KIF3C: variants seen among roughly 807,000 people sequenced by gnomAD.
KIF3C encodes kinesin-like protein KIF3C.
A neutral mutation model predicts 67.7 loss-of-function variants in KIF3C; 12 were observed. The ratio of observed to expected loss-of-function variants is 0.18; its 90% CI spans 0.11 to 0.29. KIF3C has a LOEUF of 0.29. Among genes scored for constraint, KIF3C ranks in the 10% least tolerant of loss-of-function variants. The pLI, the probability that KIF3C is intolerant of heterozygous loss-of-function variation, is 1.00. For missense variants in KIF3C, 789 were observed against 1,059.6 expected (o/e 0.74, Z 3.55); for synonymous variants, 393 against 426.2 (o/e 0.92, Z 0.96).
intron 5 of KIF3C, among the ~76,000 whole-genome samples, chr2:25,937,645 G>T (rs1466440291): frequency 1.3e-5 from 2 of 152,206 alleles, no homozygotes; most frequent in Non-Finnish European, 2.9e-5. Flanking sequence ...ACCTCCGGAG[G>T]TGTGGATAGA....
At chr2:25,941,082 G>A (rs1270142671) in intron 5 of KIF3C, among the ~76,000 whole-genome samples, 2 of 152,110 alleles carry the variant, frequency 1.3e-5, no homozygotes, top group East Asian at 3.9e-4. Context: ...GTTCACTTGA[G>A]CTCAGGAGTT....
At chr2:25,947,932 C>T (rs1482173385) in intron 5 of KIF3C, among the ~76,000 whole-genome samples, 1 of 152,144 alleles carries the variant, frequency 6.6e-6, no homozygotes, top group Non-Finnish European at 1.5e-5. Flanking sequence ...GTCGCCCAGG[C>T]TAGAGTACAG....
intron 1 of KIF3C, among the ~76,000 whole-genome samples, chr2:25,971,650 G>A (rs1664286772): frequency 6.6e-6 from 1 of 152,094 alleles, no homozygotes; most frequent in Non-Finnish European, 1.5e-5. Context: ...ATGAGGGTGT[G>A]CCTTGTACAG....
chr2:25,929,969 G>C lies in KIF3C; in HGVS notation c.2101C>G (p.His701Asp). Residue 701 changes from histidine to aspartate, a missense_variant, in exon 6 of 8, where the codon CAC (histidine) becomes GAC (aspartate). Physicochemically the swap from His to Asp is moderately conservative, Grantham distance 81. Coordinates refer to ENST00000264712, the MANE Select transcript of KIF3C (RefSeq NM_002254.8). ...YARVAMAMGS[H>D]PRYRAENIMF... Reference sequence around the variant, plus strand: ...CCGCTTCTTACCCTGTACCTGGGGTGGGACCCCATTGCCATGGCAACCCGA... The same window carrying C: ...CCGCTTCTTACCCTGTACCTGGGGTCGGACCCCATTGCCATGGCAACCCGA... 3 of 1,609,970 alleles carry C rather than the reference G, an allele frequency of 1.9e-6. No individual in the cohort carries two copies. The highest frequency in any genetic ancestry group is 2.6e-6 in the Non-Finnish European group (3 of 1,176,178).
At chr2:25,968,962 TA>T (rs1664210900) in intron 1 of KIF3C, among the ~76,000 whole-genome samples, 5 of 152,304 alleles carry the variant, frequency 3.3e-5, no homozygotes, top group Non-Finnish European at 5.9e-5. Context: ...TAGCTAGAAT[TA>T]CAGGCGTGTG....
At chr2:25,950,774 A>C (rs1663587003) in intron 5 of KIF3C, among the ~76,000 whole-genome samples, 2 of 152,160 alleles carry the variant, frequency 1.3e-5, no homozygotes, top group Non-Finnish European at 2.9e-5. Context: ...TTGTAGGTGC[A>C]AAGTAATACC....
rs1663744964 is a variant in KIF3C at position 25,954,357 on chromosome 2, G to A, written c.1799C>T (p.Ala600Val). Residue 600 changes from alanine to valine, a missense_variant, in exon 4 of 8, where the codon GCG becomes GTG. Coordinates refer to ENST00000264712, the MANE Select transcript of KIF3C (RefSeq NM_002254.8). ...KLYAKLQAVK[A>V]EIQDQHDEYI... ...CTCATCATGCTGGTCCTGGATCTCC[G>A]CCTTCACCGCCTGCAGCTTGGCGTA... The A allele has an allele frequency of 1.2e-6, 2 of 1,613,840 alleles. No homozygotes were observed. Among genetic ancestry groups the A allele is most frequent in the Non-Finnish European group, 8.5e-7 (1 of 1,179,954 alleles).
Position 25,948,608 on chromosome 2 carries a change from AAGAGAAAGAGAAAGAGAGAAAGAGAG to A in KIF3C, c.2006+3155_2006+3180del, listed in dbSNP as rs1439846517. On this transcript the variant is annotated intron_variant, in intron 5 of 7. Transcript: ENST00000264712. Reference sequence around the variant, plus strand: ...AGAAAGGGAGAAAGAGAAAGAAAGAAAGAGAAAGAGAAAGAGAGAAAGAGAGAGAGAAAGAGAAAGAGAGAAAGAGA... The same window carrying A: ...AGAAAGGGAGAAAGAGAAAGAAAGAAAGAGAAAGAGAAAGAGAGAAAGAGA... Among the ~76,000 whole-genome samples, 355 of 150,170 alleles carry A rather than the reference AAGAGAAAGAGAAAGAGAGAAAGAGAG, an allele frequency of 2.4e-3. 3 individuals are homozygous for A. Among genetic ancestry groups the A allele is most frequent in the African/African-American group, 7.6e-3 (311 of 40,690 alleles).
At chr2:25,932,050 G>GGA (rs2090465013) in intron 5 of KIF3C, among the ~76,000 whole-genome samples, 1 of 140,240 alleles carries the variant, frequency 7.1e-6, no homozygotes, top group South Asian at 2.2e-4. Flanking sequence ...TCACCAGGCT[G>GGA]GAGTGCTGTG....
At chr2:25,939,652 T>C (rs556768448) in intron 5 of KIF3C, among the ~76,000 whole-genome samples, 1 of 152,278 alleles carries the variant, frequency 6.6e-6, no homozygotes, top group Non-Finnish European at 1.5e-5. Flanking sequence ...ACACTCTCTC[T>C]TTAAACCCAG....
At chr2:25,970,364 AAGAACACATC>A (rs934292638) in intron 1 of KIF3C, among the ~76,000 whole-genome samples, 127 of 152,208 alleles carry the variant, frequency 8.3e-4, no homozygotes, top group African/African-American at 2.9e-3. Context: ...GATACACATA[AAGAACACATC>A]AGAACACATC....
intron 1 of KIF3C, among the ~76,000 whole-genome samples, chr2:25,978,517 T>C (rs1325494958): frequency 6.6e-6 from 1 of 152,120 alleles, no homozygotes; most frequent in African/African-American, 2.4e-5. Context: ...CTGCCAACTC[T>C]AAGACTGTGA....
intron 1 of KIF3C, among the ~76,000 whole-genome samples, chr2:25,970,667 CAAAAAAAAAA>C (rs397984116): frequency 1.8e-5 from 1 of 54,786 alleles, no homozygotes; most frequent in Admixed American, 2.3e-4. Flanking sequence ...AACTTTGTCT[CAAAAAAAAAA>C]AAAAAAAAAA....
rs1328138990 is a variant in KIF3C, at chr2:25,963,029, TATATA to T, written c.1546-6590_1546-6586del. Among the ~76,000 whole-genome samples the T allele has an allele frequency of 2.9e-4, 19 of 64,502 alleles. 3 individuals carry two copies. The highest frequency in any genetic ancestry group is 1.4e-3 in the African/African-American group (18 of 12,542). 42.3% of individuals were successfully genotyped at this position (64,502 alleles called of 152,430 possible). A position where few individuals can be genotyped will look rare whatever the true frequency, so the allele number is the denominator to read the frequency against. On this transcript the variant is annotated intron_variant, in intron 1 of 7. Coordinates refer to ENST00000264712, the MANE Select transcript of KIF3C (RefSeq NM_002254.8). The stretch of plus-strand genomic sequence containing the variant: ...AATATATAATATATATAATATATAA[TATATA>T]ATATATAATATATAAATATATAAAT...
Position 25,929,027 on chromosome 2 carries a change from G to T in KIF3C, c.2333C>A (p.Ser778Tyr), listed in dbSNP as rs13030360. 6.2e-7 allele frequency: 1 copy of T among 1,613,914 alleles called. No homozygotes were observed. The highest frequency in any genetic ancestry group is 8.5e-7 in the Non-Finnish European group (1 of 1,179,978). ...QRPPPSTTHA[S>Y]LASASLRPAT... ...AGGGCGCAGAGAAGCAGAGGCCAGG[G>T]AGGCATGTGTGGTGGAAGGTGGAGG... Residue 778 changes from serine to tyrosine, a missense_variant, in exon 8 of 8, where the codon TCC (serine) becomes TAC (tyrosine). Ser to Tyr is a moderately radical substitution (Grantham distance 144, BLOSUM62 -2). Around this residue, in one of 2 missense-constraint regions of KIF3C, gnomAD observed 648 missense variants for 807.8 expected, o/e 0.80. Coordinates refer to ENST00000264712, the MANE Select transcript of KIF3C (RefSeq NM_002254.8).
chr2:25,944,051 C>T (rs1663362664), intron 5 of KIF3C, among the ~76,000 whole-genome samples: 1 of 148,820 alleles, frequency 6.7e-6, no homozygotes, highest in Non-Finnish European at 1.5e-5. Context: ...TTCTTTCTTT[C>T]TTTTTTTTTT....
intron 5 of KIF3C, chr2:25,938,405 C>G (rs1407422187): frequency 2.6e-6 from 1 of 378,974 alleles, no homozygotes; most frequent in East Asian, 7.5e-5. Flanking sequence ...CGGGCAACAC[C>G]TCATTCTATG....
chr2:25,946,713 G>A (rs1353753147), intron 5 of KIF3C, among the ~76,000 whole-genome samples: 1 of 151,942 alleles, frequency 6.6e-6, no homozygotes, highest in Non-Finnish European at 1.5e-5. Context: ...ACTTGGCTGG[G>A]TGTCGTGGTG....
intron 3 of KIF3C, 138 bp from the exon 4 acceptor site, chr2:25,954,523 C>T (rs1663753291): frequency 1.6e-6 from 1 of 638,330 alleles, no homozygotes; most frequent in African/African-American, 1.8e-5. Context: ...TTTCTGAACT[C>T]CCCGCTGTGC....
Sources: allele counts gnomAD v4.1 joint callset (sites outside exome capture counted in the v4.1 genomes callset), GRCh38; gene constraint gnomAD v4.1.1; regional missense constraint gnomAD v4.1.1; transcripts MANE v1.5; gene names NCBI Gene and HGNC (gene_info 2026-07-23, HGNC 2026-07-21).